The following TANGO6 variants were observed in gnomAD, a reference collection of about 807,000 sequenced individuals.
TANGO6 encodes the protein transport and Golgi organization protein 6 homolog.
Under a neutral mutation model 114.2 loss-of-function variants are expected in TANGO6, and 90 were observed. The ratio of observed to expected loss-of-function variants is 0.79; its 90% CI spans 0.66 to 0.94. The LOEUF (loss-of-function observed/expected upper bound fraction) is 0.94, where lower values mean the gene tolerates loss of function less well. Among genes scored for constraint, TANGO6 ranks in the 40% least tolerant of loss-of-function variants. The pLI, the probability that TANGO6 is intolerant of heterozygous loss-of-function variation, is 0.00. For missense variants in TANGO6, 1,274 were observed against 1,315.3 expected (o/e 0.97, Z 0.49); for synonymous variants, 477 against 509.8 (o/e 0.94, Z 0.87).
In TANGO6 at chr16:68,849,497, A is replaced by G. The variant is rs552974123; in HGVS notation, c.94+5786A>G. Among the ~76,000 whole-genome samples, 10 of 152,172 alleles carry G rather than the reference A, an allele frequency of 6.6e-5. No individual in the cohort carries two copies. The South Asian group carries it at 2.1e-3, about 32-fold the overall frequency. ...ACAAAAAATACAGAAATTAAAAAAAACAAAATACAGAAATTAGCTGGGCAT... is the reference window on the plus strand; with the variant it reads ...ACAAAAAATACAGAAATTAAAAAAAGCAAAATACAGAAATTAGCTGGGCAT... On this transcript the variant is annotated intron_variant, in intron 1 of 17. Coordinates refer to ENST00000261778, the MANE Select transcript of TANGO6 (RefSeq NM_024562.2).
At chr16:69,067,518 CAAAA>C (rs1199698790) in intron 17 of TANGO6, among the ~76,000 whole-genome samples, 9 of 43,726 alleles carry the variant, frequency 2.1e-4, no homozygotes, top group South Asian at 7.6e-4. Flanking sequence ...AACTCCATCT[CAAAA>C]AAAAAAAAAA....
chr16:68,891,323 C>T (rs1479911290), intron 7 of TANGO6, among the ~76,000 whole-genome samples: 1 of 147,058 alleles, frequency 6.8e-6, no homozygotes, highest in Admixed American at 6.8e-5. Context: ...ATTAGCTGGG[C>T]ATAATGGGCA....
At chr16:68,892,601 G>T (rs61499599) in intron 7 of TANGO6, among the ~76,000 whole-genome samples, 1 of 149,888 alleles carries the variant, frequency 6.7e-6, no homozygotes, top group Non-Finnish European at 1.5e-5. Flanking sequence ...TGCAACCTCC[G>T]CCTCCTGGGT....
intron 1 of TANGO6, among the ~76,000 whole-genome samples, chr16:68,854,623 T>G (rs994179386): frequency 7.9e-5 from 12 of 152,108 alleles, no homozygotes; most frequent in African/African-American, 2.2e-4. Context: ...TCAAAGTTTT[T>G]TTTTTTTTTT....
Position 68,927,874 on chromosome 16 carries a change from A to C in TANGO6, c.2434A>C (p.Asn812His), listed in dbSNP as rs373586386. The change falls in exon 13 of 18, where the codon AAT becomes CAT. Residue 812 changes from asparagine (N) to histidine (H), a missense_variant. Transcript: ENST00000261778. ...ETAPQTGLQS[N>H]APIIPQGVNE... ...AGCCCCCCAGACAGGCCTGCAGTCA[A>C]ATGCTCCAATCATTCCTCAAGGAGT... 6.2e-7 allele frequency: 1 copy of C among 1,613,894 alleles called. No homozygotes were observed. The highest frequency in any genetic ancestry group is 1.3e-5 in the African/African-American group (1 of 74,930).
intron 16 of TANGO6, among the ~76,000 whole-genome samples, chr16:69,036,349 T>C (rs938128974): frequency 3.3e-5 from 5 of 152,116 alleles, no homozygotes; most frequent in Non-Finnish European, 5.9e-5. Flanking sequence ...CTGAAGACTG[T>C]TCTTATATTT....
At chr16:69,054,661 T>C (rs985969376) in intron 17 of TANGO6, among the ~76,000 whole-genome samples, 4 of 151,808 alleles carry the variant, frequency 2.6e-5, no homozygotes, top group Non-Finnish European at 4.4e-5. Flanking sequence ...TGGCCGGGCG[T>C]GGTGGCTCAA....
chr16:68,880,013 C>G (rs1021413741), intron 6 of TANGO6, among the ~76,000 whole-genome samples: 2 of 151,722 alleles, frequency 1.3e-5, no homozygotes, highest in African/African-American at 4.8e-5. Flanking sequence ...CACTCTGTTG[C>G]CCATGCTTGA....
Position 68,981,234 on chromosome 16 carries a change from G to A in TANGO6, c.2842+7066G>A, listed in dbSNP as rs574986282. On this transcript the variant is annotated intron_variant, in intron 15 of 17. Coordinates refer to ENST00000261778, the MANE Select transcript of TANGO6 (RefSeq NM_024562.2). Reference sequence around the variant, plus strand: ...CCTTTTTTTTTTTTTTTTTTTTTGCGGAGTCTTGCTCTGTTGCCCAGGCTG... The same window carrying A: ...CCTTTTTTTTTTTTTTTTTTTTTGCAGAGTCTTGCTCTGTTGCCCAGGCTG... Among the ~76,000 whole-genome samples the A allele has an allele frequency of 1.3e-4, 13 of 96,374 alleles. No homozygotes were observed. The East Asian group carries it at 1.5e-3, about 11-fold the overall frequency. The allele number at this position is 96,374 out of a possible 152,430, so 63.2% of individuals were successfully genotyped here. A position where few individuals can be genotyped will look rare whatever the true frequency, so the allele number is the denominator to read the frequency against.
intron 15 of TANGO6, among the ~76,000 whole-genome samples, chr16:69,010,837 T>G (rs1964136445): frequency 6.6e-6 from 1 of 152,174 alleles, no homozygotes; most frequent in Non-Finnish European, 1.5e-5. Context: ...ATTGAATTGG[T>G]TAGATGGAAA....
intron 14 of TANGO6, among the ~76,000 whole-genome samples, chr16:68,950,824 A>C (rs917829723): frequency 1.3e-5 from 2 of 152,056 alleles, no homozygotes; most frequent in East Asian, 3.8e-4. Flanking sequence ...GCACCGTTGC[A>C]CTCCAGCCTG....
chr16:68,945,331 A>T (rs1597031556), intron 14 of TANGO6, among the ~76,000 whole-genome samples: 3 of 152,258 alleles, frequency 2.0e-5, no homozygotes, highest in Admixed American at 2.0e-4. Context: ...AGCTAAGATA[A>T]AACTGGTTTT....
At chr16:69,066,829 G>A (rs543801215) in intron 17 of TANGO6, among the ~76,000 whole-genome samples, 1 of 152,208 alleles carries the variant, frequency 6.6e-6, no homozygotes, top group African/African-American at 2.4e-5. Flanking sequence ...GAGGTGGGGG[G>A]ATTGCTTGAG....
intron 1 of TANGO6, chr16:68,846,383 G>A: frequency 4.8e-6 from 1 of 208,596 alleles, no homozygotes; most frequent in Non-Finnish European, 1.0e-5. Flanking sequence ...GTCATGATAG[G>A]TTGTTTTGAC....
intron 9 of TANGO6, among the ~76,000 whole-genome samples, chr16:68,904,357 A>G (rs1962822373): frequency 6.6e-6 from 1 of 152,206 alleles, no homozygotes; most frequent in Admixed American, 6.5e-5. Flanking sequence ...AGGGACGTTT[A>G]TCCATTTTGG....
chr16:68,982,735 G>A (rs576485775), intron 15 of TANGO6, among the ~76,000 whole-genome samples: 44 of 147,940 alleles, frequency 3.0e-4, no homozygotes, highest in African/African-American at 1.1e-3. Context: ...GCCTCCCAAA[G>A]TGTTGGGATT....
chr16:68,918,408 G>A (rs1288309621), intron 11 of TANGO6, among the ~76,000 whole-genome samples: 1 of 152,054 alleles, frequency 6.6e-6, no homozygotes, highest in African/African-American at 2.4e-5. Context: ...TTGTGCCTTT[G>A]GTGTTGTATC....
intron 11 of TANGO6, among the ~76,000 whole-genome samples, chr16:68,910,236 A>G (rs912689015): frequency 3.3e-5 from 5 of 152,326 alleles, no homozygotes; most frequent in African/African-American, 7.2e-5. Flanking sequence ...GCATTTCACT[A>G]TAGCTCCTGC....
At chr16:68,893,806 T>C (rs1353394267) in intron 7 of TANGO6, among the ~76,000 whole-genome samples, 2 of 147,912 alleles carry the variant, frequency 1.4e-5, no homozygotes, top group African/African-American at 5.0e-5. Flanking sequence ...AAGTATTGTA[T>C]TGTGTTTCAG....
Sources: allele counts gnomAD v4.1 joint callset (sites outside exome capture counted in the v4.1 genomes callset), GRCh38; gene constraint gnomAD v4.1.1; transcripts MANE v1.5; gene names NCBI Gene and HGNC (gene_info 2026-07-23, HGNC 2026-07-21).